Variants in MEIKIN observed in about 807,000 individuals in gnomAD.
MEIKIN encodes meiosis-specific kinetochore protein.
At chr5:131,907,888 T>G (rs1274544505) in intron 8 of MEIKIN, among the ~76,000 whole-genome samples, 1 of 151,470 alleles carries the variant, frequency 6.6e-6, no homozygotes, top group Non-Finnish European at 1.5e-5. Flanking sequence ...AATAAATAAA[T>G]AAATCCAAAA....
chr5:131,942,193 C>A (rs759226173), intron 4 of MEIKIN, among the ~76,000 whole-genome samples: 4 of 152,200 alleles, frequency 2.6e-5, no homozygotes, highest in Admixed American at 6.5e-5. Flanking sequence ...TCCTGTCTTA[C>A]ACTCACATAT....
intron 12 of MEIKIN, among the ~76,000 whole-genome samples, chr5:131,810,790 C>G (rs888905921): frequency 2.0e-5 from 3 of 152,216 alleles, no homozygotes; most frequent in African/African-American, 7.2e-5. Context: ...CTCTTTGGTT[C>G]ACTTTCACCA....
At chr5:131,883,548 C>T (rs899486501) in intron 8 of MEIKIN, among the ~76,000 whole-genome samples, 1 of 152,146 alleles carries the variant, frequency 6.6e-6, no homozygotes, top group Middle Eastern at 3.2e-3. Context: ...GCCTGGCACA[C>T]GGTTGAAACA....
intron 5 of MEIKIN, among the ~76,000 whole-genome samples, chr5:131,931,729 A>G (rs1751696924): frequency 2.0e-5 from 3 of 152,184 alleles, no homozygotes; most frequent in Admixed American, 2.0e-4. Flanking sequence ...TGAATTTTTC[A>G]CAAAGGGAAC....
intron 12 of MEIKIN, among the ~76,000 whole-genome samples, chr5:131,815,438 C>A (rs149043370): frequency 6.5e-4 from 99 of 152,296 alleles, no homozygotes; most frequent in African/African-American, 2.3e-3. Context: ...GCATTATTAA[C>A]CCTGGTGACC....
rs562878047 is a variant in MEIKIN at position 131,930,894 on chromosome 5, C to T, written c.478+2619G>A. Among the ~76,000 whole-genome samples the T allele has an allele frequency of 6.6e-5, 10 of 152,276 alleles. No individual in the cohort carries two copies. The South Asian group carries it at 2.1e-3, about 32-fold the overall frequency. Reference sequence around the variant, plus strand: ...TCTTATTTGGTTCATGTATTGTTCTCAACTTGTTGAGCATCTTTTTAATGA... The same window carrying T: ...TCTTATTTGGTTCATGTATTGTTCTTAACTTGTTGAGCATCTTTTTAATGA... On this transcript the variant is annotated intron_variant, in intron 5 of 12. Coordinates refer to ENST00000442687, the MANE Select transcript of MEIKIN (RefSeq NM_001303622.2).
chr5:131,880,393 G>A (rs1346664109), intron 8 of MEIKIN, among the ~76,000 whole-genome samples: 4 of 126,598 alleles, frequency 3.2e-5, no homozygotes, highest in Admixed American at 8.4e-5. Context: ...GTGAGCCAAC[G>A]TGCCCGGCCT....
chr5:131,830,037 AC>A (rs1749686420), intron 11 of MEIKIN, among the ~76,000 whole-genome samples: 2 of 152,216 alleles, frequency 1.3e-5, no homozygotes, highest in African/African-American at 2.4e-5. Flanking sequence ...GGAGAAACAC[AC>A]AAAAAAGTGG....
rs1347752679 is a variant in MEIKIN, at chr5:131,865,122, AT to A, written c.775-10289del. On this transcript the variant is annotated intron_variant, in intron 9 of 12. Transcript: ENST00000442687. Reference sequence around the variant, plus strand: ...GGTAAATTTCTCATTTGTATCCTGAATTTTTTTTCTGATTTCTTTGTATTGT... The same window carrying A: ...GGTAAATTTCTCATTTGTATCCTGAATTTTTTTCTGATTTCTTTGTATTGT... Among the ~76,000 whole-genome samples, 3 of 150,480 alleles carry A rather than the reference AT, an allele frequency of 2.0e-5. No homozygotes were observed. In the East Asian group the frequency reaches 5.9e-4, roughly 29 times the overall value.
intron 5 of MEIKIN, among the ~76,000 whole-genome samples, chr5:131,930,176 C>T (rs868867962): frequency 6.6e-6 from 1 of 152,190 alleles, no homozygotes; most frequent in East Asian, 1.9e-4. Flanking sequence ...CTTTTCTCTA[C>T]AATCTCACAA....
At chr5:131,942,758 T>A (rs918320665) in intron 3 of MEIKIN, 63 bp from the exon 4 acceptor site, 1 of 396,124 alleles carries the variant, frequency 2.5e-6, no homozygotes, top group Non-Finnish European at 4.5e-6. Flanking sequence ...TATATTATAA[T>A]CTTGTACAGA....
chr5:131,812,755 C>T (rs1040269692), intron 12 of MEIKIN, among the ~76,000 whole-genome samples: 4 of 152,234 alleles, frequency 2.6e-5, no homozygotes, highest in Non-Finnish European at 4.4e-5. Context: ...GCAGATCCAA[C>T]GGTGCTTGTA....
At chr5:131,825,553 A>G (rs1032363202) in intron 11 of MEIKIN, among the ~76,000 whole-genome samples, 1 of 152,206 alleles carries the variant, frequency 6.6e-6, no homozygotes, top group African/African-American at 2.4e-5. Flanking sequence ...ATTTGGGGTC[A>G]GTCACACAGG....
intron 10 of MEIKIN, among the ~76,000 whole-genome samples, chr5:131,852,645 T>C (rs1580872807): frequency 6.6e-6 from 1 of 152,118 alleles, no homozygotes; most frequent in East Asian, 1.9e-4. Flanking sequence ...AAATCAGTAG[T>C]TTCTTTGGAC....
At chr5:131,827,650 G>A (rs972999629) in intron 11 of MEIKIN, among the ~76,000 whole-genome samples, 1 of 152,142 alleles carries the variant, frequency 6.6e-6, no homozygotes, top group East Asian at 1.9e-4. Context: ...ATGAAAACAG[G>A]TTCAGTACAC....
At chr5:131,837,444 G>C (rs1332653344) in intron 11 of MEIKIN, among the ~76,000 whole-genome samples, 1 of 152,074 alleles carries the variant, frequency 6.6e-6, no homozygotes, top group Non-Finnish European at 1.5e-5. Flanking sequence ...AAATTGCTTT[G>C]GGTACTATGG....
At chr5:131,894,023 T>G (rs895842143) in intron 8 of MEIKIN, among the ~76,000 whole-genome samples, 1 of 152,246 alleles carries the variant, frequency 6.6e-6, no homozygotes, top group African/African-American at 2.4e-5. Flanking sequence ...AAGGTTATTA[T>G]GGTTGTAGGT....
chr5:131,881,680 T>C (rs1338410683), intron 8 of MEIKIN, among the ~76,000 whole-genome samples: 1 of 152,146 alleles, frequency 6.6e-6, no homozygotes, highest in Non-Finnish European at 1.5e-5. Flanking sequence ...GTATACCATA[T>C]ATATAATAAC....
intron 9 of MEIKIN, among the ~76,000 whole-genome samples, chr5:131,864,294 T>C (rs1392545429): frequency 6.6e-6 from 1 of 152,208 alleles, no homozygotes; most frequent in Admixed American, 6.5e-5. Context: ...TAGAATCATT[T>C]GAGTCCTTTC....
Sources: allele counts gnomAD v4.1 joint callset (sites outside exome capture counted in the v4.1 genomes callset), GRCh38; gene constraint gnomAD v4.1.1; transcripts MANE v1.5; gene names NCBI Gene and HGNC (gene_info 2026-07-23, HGNC 2026-07-21).